Variants in SV2B observed in about 807,000 individuals in gnomAD.
SV2B encodes the protein solute carrier family 22 member B2.
SV2B carries 41 observed loss-of-function variants against 73.9 expected under a neutral mutation model. The ratio of observed to expected loss-of-function variants is 0.56; its 90% confidence interval spans 0.43 to 0.72. The LOEUF (loss-of-function observed/expected upper bound fraction) is 0.72. SV2B is among the 30% of genes least tolerant of loss of function. The probability of loss-of-function intolerance (pLI) is 0.00; values close to 1 mark genes in which losing one functional copy is unlikely to be tolerated. For missense variants in SV2B, 764 were observed against 857.8 expected (o/e 0.89, Z 1.37); for synonymous variants, 314 against 314.2 (o/e 1.00, Z 0.01).
At chr15:91,186,016 T>C (rs1227315395) in intron 1 of SV2B, among the ~76,000 whole-genome samples, 2 of 152,222 alleles carry the variant, frequency 1.3e-5, no homozygotes, top group African/African-American at 4.8e-5. Context: ...TTCTTCTCTC[T>C]TCTGTCTTCA....
intron 1 of SV2B, among the ~76,000 whole-genome samples, chr15:91,134,002 T>C (rs2042736150): frequency 3.5e-5 from 3 of 86,652 alleles, no homozygotes; most frequent in South Asian, 3.3e-4. Context: ...CTTTCTTTCT[T>C]CCTTTTTTTT....
chr15:91,251,671 TG>T, intron 2 of SV2B, 147 bp from the exon 3 acceptor site: 1 of 995,306 alleles, frequency 1.0e-6, no homozygotes, highest in East Asian at 2.6e-5. Context: ...ACTTCCAATT[TG>T]CCACAAATAT....
At chr15:91,166,217 G>A (rs2043906060) in intron 1 of SV2B, among the ~76,000 whole-genome samples, 1 of 152,120 alleles carries the variant, frequency 6.6e-6, no homozygotes, top group African/African-American at 2.4e-5. Context: ...ACCAATAGCA[G>A]TCCACTCCCA....
Position 91,139,712 on chromosome 15 carries a change from C to A in SV2B, c.-392+39349C>A, listed in dbSNP as rs2042945984. ...GGGATTCCTACGGATTAGGGTTAAG[C>A]AAATAGGAGCAAACATTAGGGTGAC... is the stretch of plus-strand genomic sequence containing the variant. On this transcript the variant is annotated intron_variant, in intron 1 of 12. Transcript: ENST00000394232. This position sits in a 1 kb window ranked among gnomAD's most constrained non-coding sequence, Gnocchi z 5.2. 6.6e-6 allele frequency among the ~76,000 whole-genome samples: 1 copy of A among 152,148 alleles called. No homozygotes were observed. The highest frequency in any genetic ancestry group is 2.4e-5 in the African/African-American group (1 of 41,444).
chr15:91,228,113 T>A (rs1459256243), intron 2 of SV2B, among the ~76,000 whole-genome samples: 3 of 152,176 alleles, frequency 2.0e-5, no homozygotes, highest in African/African-American at 7.2e-5. Context: ...ATAAAGAACC[T>A]CTGCATAAAA....
At chr15:91,271,771 AG>A (rs2048325574) in intron 9 of SV2B, among the ~76,000 whole-genome samples, 1 of 152,076 alleles carries the variant, frequency 6.6e-6, no homozygotes, top group Non-Finnish European at 1.5e-5. Flanking sequence ...GCTGGTCGTG[AG>A]CTGGAAAACA....
chr15:91,166,792 G>T (rs1271013928), intron 1 of SV2B, among the ~76,000 whole-genome samples: 1 of 150,368 alleles, frequency 6.7e-6, no homozygotes, highest in Non-Finnish European at 1.5e-5. Context: ...TAGTTTTTTT[G>T]TATAGTTTTT....
In SV2B at chr15:91,170,890, C is replaced by T. The variant is rs549879495; in HGVS notation, c.-391-54983C>T. 1.1e-4 allele frequency among the ~76,000 whole-genome samples: 16 copies of T among 151,606 alleles called. No homozygotes were observed. In the East Asian group the frequency reaches 1.9e-3, roughly 18 times the overall value. On this transcript the variant is annotated intron_variant, in intron 1 of 12. Coordinates refer to ENST00000394232, the MANE Select transcript of SV2B (RefSeq NM_001323032.3). ...GTGGCTGACTGTGAAGTTTGAATAA[C>T]GTGTATCTTGGAATAAACAGGGTTT... is the stretch of plus-strand genomic sequence containing the variant.
At chr15:91,179,534 CT>C (rs776562970) in intron 1 of SV2B, among the ~76,000 whole-genome samples, 2 of 152,028 alleles carry the variant, frequency 1.3e-5, no homozygotes, top group Non-Finnish European at 2.9e-5. Flanking sequence ...GTCTAAGTCT[CT>C]TTGTAGTTCA....
chr15:91,130,750 A>C lies in SV2B; in HGVS notation c.-392+30387A>C, dbSNP rs890666350. On this transcript the variant is annotated intron_variant, in intron 1 of 12. Coordinates refer to ENST00000394232, the MANE Select transcript of SV2B (RefSeq NM_001323032.3). The surrounding 1 kb of genome is among the most constrained non-coding windows in gnomAD (Gnocchi z 5.6). ...CAAAGAGGGGAGTGTGTGGCGGTGC[A>C]CGGTTCAGTGAGTCCTTCAAGACGT... Among the ~76,000 whole-genome samples, 4 of 152,172 alleles carry C rather than the reference A, an allele frequency of 2.6e-5. No homozygotes were observed. The highest frequency in any genetic ancestry group is 2.6e-4 in the Admixed American group (4 of 15,284).
intron 1 of SV2B, among the ~76,000 whole-genome samples, chr15:91,213,037 C>T (rs1232126058): frequency 6.6e-6 from 1 of 151,476 alleles, no homozygotes; most frequent in Non-Finnish European, 1.5e-5. Context: ...CCTGTAATCC[C>T]AGCTGCTTGG....
intron 9 of SV2B, among the ~76,000 whole-genome samples, chr15:91,271,959 G>GA (rs764524098): frequency 1.3e-5 from 2 of 152,140 alleles, no homozygotes; most frequent in Non-Finnish European, 2.9e-5. Flanking sequence ...ACGCATGGTG[G>GA]AAAATTATTT....
At chr15:91,200,869 C>T (rs1401737063) in intron 1 of SV2B, among the ~76,000 whole-genome samples, 2 of 152,116 alleles carry the variant, frequency 1.3e-5, no homozygotes, top group South Asian at 2.1e-4. Context: ...CATGATCGTG[C>T]CTCTGCACTC....
intron 1 of SV2B, among the ~76,000 whole-genome samples, chr15:91,119,286 G>A (rs2042261270): frequency 6.6e-6 from 1 of 152,194 alleles, no homozygotes; most frequent in African/African-American, 2.4e-5. Context: ...GAAGAAAGAA[G>A]TTAAGATTTC....
intron 1 of SV2B, among the ~76,000 whole-genome samples, chr15:91,126,142 T>A (rs2042475979): frequency 6.6e-6 from 1 of 152,218 alleles, no homozygotes; most frequent in Admixed American, 6.5e-5. Context: ...AAATACCACC[T>A]AAGAAAGACA....
In SV2B at chr15:91,261,408, C is replaced by T. The variant is rs968141493; in HGVS notation, c.1008+999C>T. Among the ~76,000 whole-genome samples, 3 of 152,134 alleles carry T rather than the reference C, an allele frequency of 2.0e-5. No individual in the cohort carries two copies. The highest frequency in any genetic ancestry group is 2.9e-5 in the Non-Finnish European group (2 of 68,018). ...TATTCATAATCATCATTTTAATAAA[C>T]AGTAATGTTACAAACATTAACATGG... On this transcript the variant is annotated intron_variant, in intron 6 of 12. Coordinates refer to ENST00000394232, the MANE Select transcript of SV2B (RefSeq NM_001323032.3). The surrounding 1 kb of genome is among the most constrained non-coding windows in gnomAD (Gnocchi z 4.7).
rs2043181261 is a variant in SV2B at position 91,147,533 on chromosome 15, C to G, written c.-392+47170C>G. Among the ~76,000 whole-genome samples, 3 of 152,190 alleles carry G rather than the reference C, an allele frequency of 2.0e-5. No individual in the cohort carries two copies. The South Asian group carries it at 6.2e-4, about 32-fold the overall frequency. ...TGCTCCTTCCCCAGCCCAGGGGAAT[C>G]TCTTTTTAGTCTGAGTGAGATCAAC... On this transcript the variant is annotated intron_variant, in intron 1 of 12. Coordinates refer to ENST00000394232, the MANE Select transcript of SV2B (RefSeq NM_001323032.3).
intron 11 of SV2B, among the ~76,000 whole-genome samples, chr15:91,286,397 G>T (rs1043265109): frequency 6.6e-6 from 1 of 152,170 alleles, no homozygotes; most frequent in African/African-American, 2.4e-5. Context: ...CAGCGGAGTA[G>T]AAGTTTTCCT....
In SV2B at chr15:91,242,033, T is replaced by C. The variant is rs1471143563; in HGVS notation, c.452-9786T>C. Among the ~76,000 whole-genome samples the C allele has an allele frequency of 6.6e-6, 1 of 152,226 alleles. No homozygotes were observed. The highest frequency in any genetic ancestry group is 2.1e-4 in the South Asian group (1 of 4,828). ...AAACCTGCTCTTGTCTAGATCACTCTTGGCCTCCACTTGCTCAGTTCAGCA... is the reference window on the plus strand; with the variant it reads ...AAACCTGCTCTTGTCTAGATCACTCCTGGCCTCCACTTGCTCAGTTCAGCA... On this transcript the variant is annotated intron_variant, in intron 2 of 12. Transcript: ENST00000394232. This position sits in a 1 kb window ranked among gnomAD's most constrained non-coding sequence, Gnocchi z 4.9.
Sources: gnomAD v4.1 joint callset for allele counts (sites outside exome capture counted in the v4.1 genomes callset) on GRCh38, gnomAD v4.1.1 for gene constraint, Gnocchi (gnomAD v3.1) non-coding constraint, MANE v1.5 for transcripts, NCBI Gene and HGNC (gene_info 2026-07-23, HGNC 2026-07-21) for gene names.